The following CADM2 variants were observed in gnomAD, a reference collection of about 807,000 sequenced individuals.
The protein encoded by CADM2 is cell adhesion molecule 2, also known as immunoglobulin superfamily member 4D.
In CADM2, 12 loss-of-function variants were observed where a neutral mutation model predicts 49.8. The observed-to-expected ratio is 0.24, with a 90% confidence interval of 0.15 to 0.39. The LOEUF is 0.39. CADM2 is among the 10% of genes least tolerant of loss of function. The pLI is 1.00. For missense variants in CADM2, 378 were observed against 492.3 expected (o/e 0.77, Z 2.20); for synonymous variants, 214 against 175.4 (o/e 1.22, Z -1.74).
At chr3:85,365,555 AG>A (rs1307722095) in intron 1 of CADM2, among the ~76,000 whole-genome samples, 2 of 152,156 alleles carry the variant, frequency 1.3e-5, no homozygotes, top group African/African-American at 4.8e-5. Context: ...TCAAGTTTAA[AG>A]AAAGTAATCC....
chr3:85,539,569 C>G (rs1052764962), intron 1 of CADM2, among the ~76,000 whole-genome samples: 2 of 151,976 alleles, frequency 1.3e-5, no homozygotes, highest in African/African-American at 4.8e-5. Flanking sequence ...ATATATTTAT[C>G]TTTAGTTCTA....
chr3:85,305,986 C>G (rs1038796136), intron 1 of CADM2, among the ~76,000 whole-genome samples: 1 of 151,630 alleles, frequency 6.6e-6, no homozygotes, highest in Non-Finnish European at 1.5e-5. Context: ...ATGACCAACA[C>G]ATTATGCAGT....
rs924459892 is a variant in CADM2 at position 85,655,512 on chromosome 3, TA to T, written c.62-70999del. On this transcript the variant is annotated intron_variant, in intron 1 of 9. Coordinates refer to ENST00000383699, the MANE Select transcript of CADM2 (RefSeq NM_001167675.2). ...TCTTAATGTAAACATCACTTCTTAA[TA>T]AAAAAAAAAAGCCATCATTGTTAGG... Among the ~76,000 whole-genome samples the T allele has an allele frequency of 1.1e-3, 160 of 141,576 alleles. 1 individual carries two copies. Among genetic ancestry groups the T allele is most frequent in the African/African-American group, 2.7e-3 (104 of 38,658 alleles). 92.9% of individuals were successfully genotyped at this position (141,576 alleles called of 152,430 possible).
chr3:85,545,124 T>C (rs957008221), intron 1 of CADM2, among the ~76,000 whole-genome samples: 2 of 152,178 alleles, frequency 1.3e-5, no homozygotes, highest in Non-Finnish European at 2.9e-5. Flanking sequence ...ATGTGTTATT[T>C]GGTGGGCTGG....
At chr3:85,661,305 C>T (rs964299437) in intron 1 of CADM2, among the ~76,000 whole-genome samples, 1 of 152,078 alleles carries the variant, frequency 6.6e-6, no homozygotes, top group African/African-American at 2.4e-5. Context: ...CAAGGACTAG[C>T]TTCCTTTGTA....
At chr3:86,009,087 G>A (rs1731152953) in intron 8 of CADM2, among the ~76,000 whole-genome samples, 2 of 135,306 alleles carry the variant, frequency 1.5e-5, no homozygotes, top group Admixed American at 1.6e-4. Context: ...CAGACTTGGT[G>A]TTATAGTGTG....
chr3:85,760,813 T>C (rs956426090), intron 2 of CADM2, among the ~76,000 whole-genome samples: 10 of 152,200 alleles, frequency 6.6e-5, no homozygotes, highest in African/African-American at 1.9e-4. Flanking sequence ...CCTTGGAAGG[T>C]TAGTTAATAG....
rs201419778 is a variant in CADM2 at position 85,489,804 on chromosome 3, T to A, written c.62-236718T>A. On this transcript the variant is annotated intron_variant, in intron 1 of 9. Coordinates refer to ENST00000383699, the MANE Select transcript of CADM2 (RefSeq NM_001167675.2). ...ATTATTTAACGTGTGTGTGTGTGTG[T>A]GTGAGAGAGAGAGAGAGAGAGAGCA... 1.8e-3 allele frequency among the ~76,000 whole-genome samples: 266 copies of A among 146,852 alleles called. 1 individual carries two copies. The highest frequency in any genetic ancestry group is 0.011 in the Middle Eastern group (3 of 278).
chr3:85,450,579 T>A (rs1014897702), intron 1 of CADM2, among the ~76,000 whole-genome samples: 2 of 152,014 alleles, frequency 1.3e-5, no homozygotes, highest in Non-Finnish European at 2.9e-5. Context: ...AAGTTATATT[T>A]TCATAAATAT....
chr3:85,802,572 G>T (rs2072117365), intron 3 of CADM2, among the ~76,000 whole-genome samples: 1 of 152,076 alleles, frequency 6.6e-6, no homozygotes, highest in South Asian at 2.1e-4. Flanking sequence ...ATATTTGGAA[G>T]ATGCAATATG....
At chr3:85,352,371 AG>A (rs2031436078) in intron 1 of CADM2, among the ~76,000 whole-genome samples, 1 of 152,184 alleles carries the variant, frequency 6.6e-6, no homozygotes, top group East Asian at 1.9e-4. Flanking sequence ...ATAAAAACAA[AG>A]AAAAATAACA....
Position 85,264,060 on chromosome 3 carries a change from C to T in CADM2, c.61+304392C>T, listed in dbSNP as rs1304894967. ...GAGTTAGAAAATTTTTCAGGTTCTC[C>T]GTTATCGTTCATTATGAAAATATCC... is the stretch of plus-strand genomic sequence containing the variant. On this transcript the variant is annotated intron_variant, in intron 1 of 9. Transcript: ENST00000383699. Among the ~76,000 whole-genome samples the T allele has an allele frequency of 5.3e-5, 8 of 152,082 alleles. 1 individual carries two copies. The South Asian group carries it at 8.3e-4, about 16-fold the overall frequency.
chr3:85,872,484 A>G (rs1278977247), intron 3 of CADM2, among the ~76,000 whole-genome samples: 3 of 151,852 alleles, frequency 2.0e-5, no homozygotes, highest in South Asian at 2.1e-4. Flanking sequence ...GAATTACTAA[A>G]AAAAAAAGCC....
intron 1 of CADM2, among the ~76,000 whole-genome samples, chr3:85,365,625 T>C (rs1008541639): frequency 3.3e-5 from 5 of 152,176 alleles, no homozygotes; most frequent in Non-Finnish European, 5.9e-5. Context: ...TGTTGTTTGT[T>C]AGTTGTTCAT....
At chr3:85,070,029 C>A (rs754851259) in intron 1 of CADM2, among the ~76,000 whole-genome samples, 15 of 152,104 alleles carry the variant, frequency 9.9e-5, no homozygotes, top group Non-Finnish European at 4.4e-5. Context: ...GTTTTCTGTT[C>A]AACTTCTTCG....
intron 1 of CADM2, among the ~76,000 whole-genome samples, chr3:85,184,706 A>C (rs976181884): frequency 6.6e-6 from 1 of 152,114 alleles, no homozygotes; most frequent in Admixed American, 6.6e-5. Context: ...TAGCTGAATC[A>C]GATTAGGAAT....
At chr3:85,309,936 A>C (rs1479561330) in intron 1 of CADM2, among the ~76,000 whole-genome samples, 1 of 152,162 alleles carries the variant, frequency 6.6e-6, no homozygotes, top group Non-Finnish European at 1.5e-5. Flanking sequence ...TCTTTTTGTA[A>C]AACTGCTATT....
At chr3:85,576,201 G>T (rs2062629168) in intron 1 of CADM2, among the ~76,000 whole-genome samples, 1 of 151,972 alleles carries the variant, frequency 6.6e-6, no homozygotes, top group Non-Finnish European at 1.5e-5. Flanking sequence ...TCAATAAAAA[G>T]TTATTTTCTT....
intron 1 of CADM2, among the ~76,000 whole-genome samples, chr3:85,047,731 T>C (rs2035721868): frequency 6.6e-6 from 1 of 152,176 alleles, no homozygotes; most frequent in African/African-American, 2.4e-5. Context: ...TGAACTCCTA[T>C]ATCCAATTCT....
Sources: allele counts gnomAD v4.1 joint callset (sites outside exome capture counted in the v4.1 genomes callset), GRCh38; gene constraint gnomAD v4.1.1; transcripts MANE v1.5; gene names NCBI Gene and HGNC (gene_info 2026-07-23, HGNC 2026-07-21).